TTC23L: variants seen among roughly 807,000 people sequenced by gnomAD.
TTC23L encodes the protein tetratricopeptide repeat domain 23 like.
In TTC23L, 42 loss-of-function variants were observed where a neutral mutation model predicts 48.1. The ratio of observed to expected loss-of-function variants is 0.87; its 90% CI spans 0.68 to 1.13. TTC23L has a LOEUF of 1.13. Among genes scored for constraint, TTC23L ranks in the 50% most tolerant of loss-of-function variants. The probability of loss-of-function intolerance (pLI) is 0.00; values close to 1 mark genes in which losing one functional copy is unlikely to be tolerated. For missense variants in TTC23L, 391 were observed against 421.0 expected (o/e 0.93, Z 0.62); for synonymous variants, 159 against 157.2 (o/e 1.01, Z -0.09).
chr5:34,854,303 G>A (rs1367843742), intron 4 of TTC23L, among the ~76,000 whole-genome samples: 4 of 152,208 alleles, frequency 2.6e-5, no homozygotes, highest in East Asian at 1.9e-4. Flanking sequence ...ACATGGTATA[G>A]TGGAGCCTAG....
chr5:34,848,664 G>T (rs1759415952), intron 3 of TTC23L, among the ~76,000 whole-genome samples: 1 of 152,124 alleles, frequency 6.6e-6, no homozygotes, highest in Non-Finnish European at 1.5e-5. Context: ...TGAATGACAT[G>T]GAAGAGTGTC....
chr5:34,912,252 T>C, the TTC23L span, among the ~76,000 whole-genome samples: 8,241 of 152,304 alleles, frequency 0.054, 314 homozygotes, highest in South Asian at 0.11. Flanking sequence ...ATGACAAGGA[T>C]CCTTCCAACT....
intron 9 of TTC23L, chr5:34,880,685 C>T (rs1762169790): frequency 2.5e-6 from 1 of 407,092 alleles, no homozygotes; most frequent in African/African-American, 2.2e-5. Context: ...GTCACCCAGG[C>T]TGTAGTGCAG....
intron 9 of TTC23L, among the ~76,000 whole-genome samples, chr5:34,896,253 T>C (rs908766804): frequency 6.6e-6 from 1 of 152,162 alleles, no homozygotes; most frequent in Admixed American, 6.5e-5. Flanking sequence ...AGAAATGGTC[T>C]GATAGGAGAG....
chr5:34,920,679 G>A, the TTC23L span: 1 of 152,180 alleles, frequency 6.6e-6, no homozygotes, highest in South Asian at 2.1e-4. Context: ...TGTTCAAAGG[G>A]ATGGTGTTTA....
intron 4 of TTC23L, among the ~76,000 whole-genome samples, chr5:34,856,061 CAGTG>C (rs1433842971): frequency 5.9e-5 from 9 of 152,130 alleles, no homozygotes; most frequent in Non-Finnish European, 1.2e-4. Context: ...GGTTGAGTGA[CAGTG>C]AGGCCCAAAG....
chr5:34,864,726 C>T (rs1445002806), intron 6 of TTC23L, among the ~76,000 whole-genome samples, 164 bp downstream of exon 6: 1 of 152,156 alleles, frequency 6.6e-6, no homozygotes, highest in African/African-American at 2.4e-5. Context: ...GTGTACTGCC[C>T]CATTTAATCC....
chr5:34,913,949 A>C, the TTC23L span: 1 of 457,672 alleles, frequency 2.2e-6, no homozygotes, highest in Non-Finnish European at 4.4e-6. Context: ...TTAATGCCTG[A>C]GCTCAAGCGA....
At chr5:34,910,143 G>A in the TTC23L span, among the ~76,000 whole-genome samples, 1 of 152,078 alleles carries the variant, frequency 6.6e-6, no homozygotes, top group Middle Eastern at 3.4e-3. Context: ...TAGTGTCGCA[G>A]GTACTTAAAA....
chr5:34,862,773 G>A (rs2150396009), intron 4 of TTC23L, 125 bp from the exon 5 acceptor site: 3 of 1,124,948 alleles, frequency 2.7e-6, no homozygotes, highest in East Asian at 2.6e-5. Context: ...GCCAGATTTA[G>A]GAACCAATGC....
intron 8 of TTC23L, among the ~76,000 whole-genome samples, chr5:34,877,665 C>A (rs1001419346): frequency 1.3e-5 from 2 of 152,086 alleles, no homozygotes; most frequent in Non-Finnish European, 2.9e-5. Flanking sequence ...TTCAGGTGAT[C>A]CACCCACCTC....
chr5:34,895,236 TACCA>T (rs1763137601), intron 9 of TTC23L, among the ~76,000 whole-genome samples: 1 of 152,230 alleles, frequency 6.6e-6, no homozygotes, highest in African/African-American at 2.4e-5. Context: ...ATCCAGGCTC[TACCA>T]CTTTCTATGT....
chr5:34,880,352 T>C, intron 9 of TTC23L, 44 bp downstream of exon 9: 1 of 1,551,496 alleles, frequency 6.4e-7, no homozygotes, highest in Non-Finnish European at 8.7e-7. Context: ...GTTTGTTTAT[T>C]AGATCACAAT....
chr5:34,900,843 C>T (rs1309307001), downstream of TTC23L, among the ~76,000 whole-genome samples: 1 of 152,204 alleles, frequency 6.6e-6, no homozygotes, highest in Non-Finnish European at 1.5e-5. Context: ...AGTTGAACTG[C>T]TCATGCAGAG....
exon 6 of TTC23L, chr5:34,864,439 G>T (rs373241802): frequency 6.2e-7 from 1 of 1,613,286 alleles, no homozygotes; most frequent in Non-Finnish European, 8.5e-7. Flanking sequence ...TATTTCACTG[G>T]CAGAGAAGCC....
At chr5:34,871,745 C>G (rs917892164) in intron 8 of TTC23L, among the ~76,000 whole-genome samples, 1 of 152,060 alleles carries the variant, frequency 6.6e-6, no homozygotes, top group Non-Finnish European at 1.5e-5. Context: ...ATATCTCTAA[C>G]AGAGATAGAG....
chr5:34,906,285 TATCC>T, the TTC23L span: 1 of 152,132 alleles, frequency 6.6e-6, no homozygotes, highest in Non-Finnish European at 1.5e-5. Flanking sequence ...TGTACAAAAA[TATCC>T]ATCCTTACTG....
intron 2 of TTC23L, among the ~76,000 whole-genome samples, chr5:34,843,817 A>G (rs78734682): frequency 0.014 from 2,175 of 152,258 alleles, 48 homozygotes; most frequent in African/African-American, 0.05. Context: ...TCATTCATTT[A>G]TTCATCATTT....
intron 8 of TTC23L, among the ~76,000 whole-genome samples, chr5:34,873,580 G>A (rs1381873543): frequency 6.6e-6 from 1 of 152,106 alleles, no homozygotes. Flanking sequence ...TCAGATAAAG[G>A]GGGCAAACTC....
Sources: allele counts gnomAD v4.1 joint callset (sites outside exome capture counted in the v4.1 genomes callset), GRCh38; gene constraint gnomAD v4.1.1; transcripts MANE v1.5; gene names NCBI Gene and HGNC (gene_info 2026-07-23, HGNC 2026-07-21).